PAK5: variants seen among roughly 807,000 people sequenced by gnomAD.
The protein encoded by PAK5 is serine/threonine-protein kinase PAK 5.
Under a neutral mutation model 65.9 loss-of-function variants are expected in PAK5, and 16 were observed. The ratio of observed to expected loss-of-function variants is 0.24; its 90% CI spans 0.16 to 0.37. The LOEUF (loss-of-function observed/expected upper bound fraction) is 0.37, where lower values mean the gene tolerates loss of function less well. Among genes scored for constraint, PAK5 ranks in the 10% least tolerant of loss-of-function variants. The pLI is 1.00. For synonymous variants in PAK5, 371 were observed against 354.9 expected (o/e 1.05, Z -0.51); for missense variants, 785 against 903.9 (o/e 0.87, Z 1.69).
intron 2 of PAK5, among the ~76,000 whole-genome samples, chr20:9,705,711 G>T (rs1356926748): frequency 2.0e-5 from 3 of 151,932 alleles, no homozygotes; most frequent in African/African-American, 7.3e-5. Flanking sequence ...AAACACTCTT[G>T]CACAGGCACC....
chr20:9,618,204 G>A (rs2046696205), intron 3 of PAK5, among the ~76,000 whole-genome samples: 1 of 152,088 alleles, frequency 6.6e-6, no homozygotes, highest in African/African-American at 2.4e-5. Context: ...GCTCTAGGAA[G>A]TGCCAGAACA....
At chr20:9,727,765 T>C (rs1394277805) in intron 1 of PAK5, among the ~76,000 whole-genome samples, 1 of 152,170 alleles carries the variant, frequency 6.6e-6, no homozygotes, top group Non-Finnish European at 1.5e-5. Flanking sequence ...GATTTTATAT[T>C]TGGTTGCCCC....
At chr20:9,666,021 C>G (rs1275986426) in intron 2 of PAK5, among the ~76,000 whole-genome samples, 1 of 152,040 alleles carries the variant, frequency 6.6e-6, no homozygotes, top group Non-Finnish European at 1.5e-5. Flanking sequence ...TGTTGTAAGA[C>G]TCTTTGCTAC....
chr20:9,649,029 C>T (rs541854380), intron 2 of PAK5, among the ~76,000 whole-genome samples: 1 of 152,324 alleles, frequency 6.6e-6, no homozygotes, highest in South Asian at 2.1e-4. Context: ...CAGTGTCCAG[C>T]AGACCTAATT....
intron 3 of PAK5, among the ~76,000 whole-genome samples, chr20:9,610,762 A>G (rs1396388222): frequency 1.3e-5 from 2 of 152,048 alleles, no homozygotes; most frequent in South Asian, 2.1e-4. Context: ...TGTCATTTGA[A>G]TGTATGTGTC....
chr20:9,621,711 T>C (rs559993102), intron 3 of PAK5, among the ~76,000 whole-genome samples: 1 of 152,286 alleles, frequency 6.6e-6, no homozygotes, highest in South Asian at 2.1e-4. Flanking sequence ...TGACGGGCAA[T>C]GGCAGGCCAC....
At chr20:9,808,442 A>G (rs1217457807) in intron 1 of PAK5, among the ~76,000 whole-genome samples, 1 of 152,188 alleles carries the variant, frequency 6.6e-6, no homozygotes, top group Admixed American at 6.5e-5. Flanking sequence ...AAACTTGTAC[A>G]TGACTGTTTA....
At chr20:9,817,813 C>T (rs2049375423) in intron 1 of PAK5, among the ~76,000 whole-genome samples, 1 of 152,160 alleles carries the variant, frequency 6.6e-6, no homozygotes. Flanking sequence ...TTTGCACACA[C>T]TCTATGATTT....
chr20:9,781,068 T>C (rs1303790436), intron 1 of PAK5, among the ~76,000 whole-genome samples: 2 of 152,194 alleles, frequency 1.3e-5, no homozygotes, highest in East Asian at 3.9e-4. Context: ...TTCTTTTATA[T>C]TGGCAGCTAT....
intron 1 of PAK5, among the ~76,000 whole-genome samples, chr20:9,781,670 T>G (rs2048941669): frequency 6.6e-6 from 1 of 151,706 alleles, no homozygotes; most frequent in Admixed American, 6.6e-5. Context: ...GGATGGCAAC[T>G]TCTTCCTTTT....
intron 1 of PAK5, among the ~76,000 whole-genome samples, chr20:9,756,596 A>G (rs2048636939): frequency 6.6e-6 from 1 of 152,202 alleles, no homozygotes; most frequent in South Asian, 2.1e-4. Flanking sequence ...GAAATAACTC[A>G]TTAACACTTT....
intron 3 of PAK5, among the ~76,000 whole-genome samples, chr20:9,628,574 C>G (rs2123217256): frequency 6.6e-6 from 1 of 152,312 alleles, no homozygotes; most frequent in Admixed American, 6.5e-5. Context: ...ACAATTCTTT[C>G]TCCCTCACTA....
At chr20:9,716,015 T>G (rs2048141757) in intron 1 of PAK5, among the ~76,000 whole-genome samples, 1 of 152,094 alleles carries the variant, frequency 6.6e-6, no homozygotes, top group Non-Finnish European at 1.5e-5. Flanking sequence ...CTGCACATTG[T>G]GCAGATGTAC....
chr20:9,753,398 G>A (rs2048598640), intron 1 of PAK5, among the ~76,000 whole-genome samples: 1 of 152,088 alleles, frequency 6.6e-6, no homozygotes, highest in Non-Finnish European at 1.5e-5. Flanking sequence ...ATTGTTTGAG[G>A]TTGGGTCTAT....
chr20:9,787,655 G>A (rs1388419190), intron 1 of PAK5, among the ~76,000 whole-genome samples: 4 of 143,774 alleles, frequency 2.8e-5, no homozygotes, highest in African/African-American at 1.0e-4. Flanking sequence ...GTGTGTGTGT[G>A]TATGTGTATA....
At chr20:9,689,600 G>A (rs977874979) in intron 2 of PAK5, among the ~76,000 whole-genome samples, 31 of 152,190 alleles carry the variant, frequency 2.0e-4, no homozygotes, top group African/African-American at 7.5e-4. Flanking sequence ...TGAAACCGCT[G>A]ATAAGCAAGG....
At chr20:9,590,468 G>A (rs1346587277) in intron 3 of PAK5, among the ~76,000 whole-genome samples, 5 of 152,240 alleles carry the variant, frequency 3.3e-5, no homozygotes, top group African/African-American at 1.2e-4. Context: ...CAATGGTAGG[G>A]TTGAGTTGCA....
chr20:9,773,739 G>A (rs1001603491), intron 1 of PAK5, among the ~76,000 whole-genome samples: 1 of 152,204 alleles, frequency 6.6e-6, no homozygotes, highest in East Asian at 1.9e-4. Context: ...CTATGGCTAA[G>A]TGCCTTGTAT....
chr20:9,542,736 T>TA lies in PAK5; in HGVS notation c.1870-17dup. On this transcript the variant is annotated splice_polypyrimidine_tract_variant and intron_variant, in intron 8 of 9. Coordinates refer to ENST00000353224, the MANE Select transcript of PAK5 (RefSeq NM_177990.4). ...AGATGTCCACCTGTTAGGCACACCC[T>TA]ACTGGTTATCTCAGGCAAGGAGAAC... The TA allele has an allele frequency of 6.2e-7, 1 of 1,611,338 alleles. No homozygotes were observed. Among genetic ancestry groups the TA allele is most frequent in the Non-Finnish European group, 8.5e-7 (1 of 1,177,908 alleles).
Sources: gnomAD v4.1 joint callset for allele counts (sites outside exome capture counted in the v4.1 genomes callset) on GRCh38, gnomAD v4.1.1 for gene constraint, MANE v1.5 for transcripts, NCBI Gene and HGNC (gene_info 2026-07-23, HGNC 2026-07-21) for gene names.